Variants in RIN2 observed in about 807,000 individuals in gnomAD.
RIN2 encodes RAB5 interacting protein 2.
In RIN2, 36 loss-of-function variants were observed where a neutral mutation model predicts 78.0. The ratio of observed to expected loss-of-function variants is 0.46; its 90% confidence interval spans 0.35 to 0.61. The LOEUF is 0.61. RIN2 is among the 20% of genes least tolerant of loss of function. RIN2 has a pLI of 0.00. For missense variants in RIN2, 1,087 were observed against 1,159.7 expected (o/e 0.94, Z 0.91); for synonymous variants, 466 against 466.8 (o/e 1.00, Z 0.02).
At chr20:19,986,563 C>T (rs2146368910) in intron 9 of RIN2, among the ~76,000 whole-genome samples, 1 of 152,280 alleles carries the variant, frequency 6.6e-6, no homozygotes, top group Admixed American at 6.5e-5. Context: ...CCCTCGAAGG[C>T]CAGCACCCCT....
intron 1 of RIN2, among the ~76,000 whole-genome samples, chr20:19,792,973 G>GTGT (rs2034936275): frequency 6.7e-6 from 1 of 149,888 alleles, no homozygotes; most frequent in Admixed American, 6.7e-5. Context: ...GTGTGTGTCT[G>GTGT]GTGTGTTCAG....
chr20:19,832,809 G>A (rs1485917530), intron 2 of RIN2, among the ~76,000 whole-genome samples: 1 of 152,048 alleles, frequency 6.6e-6, no homozygotes, highest in Admixed American at 6.6e-5. Flanking sequence ...GACAGAAAGG[G>A]CCAACTCACC....
At chr20:19,986,132 T>C (rs897122232) in intron 9 of RIN2, among the ~76,000 whole-genome samples, 6 of 152,244 alleles carry the variant, frequency 3.9e-5, no homozygotes, top group Admixed American at 1.3e-4. Flanking sequence ...GTGACCAATT[T>C]GTTCTTTCCT....
chr20:19,935,505 C>G, intron 4 of RIN2: 1 of 1,117,728 alleles, frequency 8.9e-7, no homozygotes, highest in Non-Finnish European at 1.1e-6. Flanking sequence ...AGTAATGCAG[C>G]AAGATCCAGC....
intron 5 of RIN2, among the ~76,000 whole-genome samples, chr20:19,960,183 T>C (rs1227287095): frequency 1.3e-5 from 2 of 152,234 alleles, no homozygotes; most frequent in Admixed American, 6.5e-5. Flanking sequence ...CAGATTTCAA[T>C]TTGAAAACAA....
At chr20:19,925,674 G>A (rs182991423) in intron 3 of RIN2, among the ~76,000 whole-genome samples, 5 of 152,336 alleles carry the variant, frequency 3.3e-5, no homozygotes, top group South Asian at 2.1e-4. Context: ...TCAGGGCAAA[G>A]CAAATGAAAA....
intron 4 of RIN2, among the ~76,000 whole-genome samples, chr20:19,941,400 G>A (rs745406516): frequency 1.3e-5 from 2 of 152,210 alleles, no homozygotes; most frequent in Non-Finnish European, 2.9e-5. Context: ...AGGGACAGTT[G>A]TGACCACATT....
chr20:19,820,373 G>A (rs1028043065), intron 2 of RIN2, among the ~76,000 whole-genome samples: 3 of 152,150 alleles, frequency 2.0e-5, no homozygotes, highest in Non-Finnish European at 4.4e-5. Flanking sequence ...ACATTGTAAC[G>A]TATCACCAAA....
intron 2 of RIN2, among the ~76,000 whole-genome samples, chr20:19,869,496 C>A (rs370366298): frequency 6.6e-6 from 1 of 152,230 alleles, no homozygotes; most frequent in Non-Finnish European, 1.5e-5. Flanking sequence ...GGAAATGGGG[C>A]CTGGTTGAAT....
At chr20:19,840,920 T>C (rs1223541062) in intron 2 of RIN2, among the ~76,000 whole-genome samples, 2 of 152,212 alleles carry the variant, frequency 1.3e-5, no homozygotes, top group Non-Finnish European at 1.5e-5. Flanking sequence ...ATAACCCACA[T>C]GTAAGAACGT....
At chr20:19,796,591 G>A (rs78596401) in intron 1 of RIN2, among the ~76,000 whole-genome samples, 4,401 of 152,276 alleles carry the variant, frequency 0.029, 198 homozygotes, top group African/African-American at 0.1. Flanking sequence ...ACCATGGATG[G>A]ATGGTCAAAC....
At chr20:19,844,610 T>C (rs867152191) in intron 2 of RIN2, among the ~76,000 whole-genome samples, 14 of 48,410 alleles carry the variant, frequency 2.9e-4, no homozygotes, top group Non-Finnish European at 4.7e-4. Flanking sequence ...CCTCTTCTTC[T>C]TCTTCTTCTT....
intron 2 of RIN2, among the ~76,000 whole-genome samples, chr20:19,865,488 C>CT (rs58947389): frequency 0.25 from 33,846 of 135,582 alleles, 4,937 homozygotes; most frequent in African/African-American, 0.4. Context: ...TACTTTCTTT[C>CT]TTTTTTTTTT....
At chr20:19,870,649 AAAAG>A (rs1001058230) in intron 2 of RIN2, among the ~76,000 whole-genome samples, 5 of 152,322 alleles carry the variant, frequency 3.3e-5, no homozygotes, top group South Asian at 2.1e-4. Context: ...TCTTTCAAAA[AAAAG>A]AAAGAAAGAA....
intron 2 of RIN2, among the ~76,000 whole-genome samples, chr20:19,857,333 C>T (rs1040236886): frequency 4.6e-5 from 7 of 152,012 alleles, no homozygotes; most frequent in Non-Finnish European, 1.0e-4. Flanking sequence ...TTCCTGGGTA[C>T]TTATCCATTG....
rs113639972 is a variant in RIN2, at chr20:19,828,924, G to A, written c.-37+29177G>A. Reference sequence around the variant, plus strand: ...GCTAACTGGCTTCCTGCTAGGCTTGGTTTGGCTCATGTGAAGCCCTGGTTG... The same window carrying A: ...GCTAACTGGCTTCCTGCTAGGCTTGATTTGGCTCATGTGAAGCCCTGGTTG... On this transcript the variant is annotated intron_variant, in intron 2 of 12. Coordinates refer to ENST00000255006, the MANE Select transcript of RIN2 (RefSeq NM_018993.4). Among the ~76,000 whole-genome samples, 193 of 152,258 alleles carry A rather than the reference G, an allele frequency of 1.3e-3. 2 individuals are homozygous for A. Among genetic ancestry groups the A allele is most frequent in the African/African-American group, 4.5e-3 (186 of 41,542 alleles).
chr20:19,826,279 G>A (rs2036087728), intron 2 of RIN2, among the ~76,000 whole-genome samples: 1 of 152,092 alleles, frequency 6.6e-6, no homozygotes, highest in Admixed American at 6.5e-5. Flanking sequence ...AGAATAGCTA[G>A]CATTTATTAA....
intron 1 of RIN2, among the ~76,000 whole-genome samples, chr20:19,768,596 C>T (rs1281278277): frequency 1.3e-5 from 2 of 152,258 alleles, no homozygotes; most frequent in Non-Finnish European, 2.9e-5. Context: ...GCAGCATTTG[C>T]CAGAGTGGGA....
At chr20:19,971,207 A>G (rs2042096197) in intron 8 of RIN2, among the ~76,000 whole-genome samples, 1 of 151,598 alleles carries the variant, frequency 6.6e-6, no homozygotes, top group Non-Finnish European at 1.5e-5. Context: ...TGAGGGGCAC[A>G]CGGGCATTGA....
Sources: gnomAD v4.1 joint callset for allele counts (sites outside exome capture counted in the v4.1 genomes callset) on GRCh38, gnomAD v4.1.1 for gene constraint, MANE v1.5 for transcripts, NCBI Gene and HGNC (gene_info 2026-07-23, HGNC 2026-07-21) for gene names.